BRD8: variants seen among roughly 807,000 people sequenced by gnomAD.
BRD8 encodes bromodomain-containing protein 8.
In BRD8, 67 loss-of-function variants were observed where a neutral mutation model predicts 143.1. The ratio of observed to expected loss-of-function variants is 0.47; its 90% confidence interval spans 0.38 to 0.57. BRD8 has a LOEUF of 0.57. Ranked by LOEUF, BRD8 falls within the 20% of genes least tolerant of loss-of-function variation. BRD8 has a pLI of 0.00. For missense variants in BRD8, 1,103 were observed against 1,503.0 expected (o/e 0.73, Z 4.40); for synonymous variants, 505 against 517.1 (o/e 0.98, Z 0.32).
chr5:138,155,410 T>C (rs61701591), intron 20 of BRD8, among the ~76,000 whole-genome samples: 11 of 148,190 alleles, frequency 7.4e-5, no homozygotes, highest in African/African-American at 2.5e-4. Context: ...GATTGCGCCA[T>C]TGCACTCCAG....
chr5:138,172,000 C>A, intron 3 of BRD8, 65 bp downstream of exon 3: 1 of 1,202,972 alleles, frequency 8.3e-7, no homozygotes, highest in Non-Finnish European at 1.2e-6. Flanking sequence ...AAAGTCAGGG[C>A]CTGGTAGAGA....
At chr5:138,140,568 G>T (rs1194307314) in intron 26 of BRD8, 137 bp downstream of exon 26, 4 of 1,005,468 alleles carry the variant, frequency 4.0e-6, no homozygotes, top group Non-Finnish European at 6.1e-6. Flanking sequence ...AAACCAGCAG[G>T]CACATTATCA....
At chr5:138,169,884 G>A (rs1291604677) in intron 7 of BRD8, among the ~76,000 whole-genome samples, 3 of 152,198 alleles carry the variant, frequency 2.0e-5, no homozygotes, top group Non-Finnish European at 4.4e-5. Flanking sequence ...ACTTGAACCC[G>A]CGAGGCGGAG....
chr5:138,163,924 T>C (rs996886451), intron 14 of BRD8, among the ~76,000 whole-genome samples, 163 bp downstream of exon 14: 3 of 152,234 alleles, frequency 2.0e-5, no homozygotes, highest in South Asian at 2.1e-4. Flanking sequence ...CCTGTTGCTA[T>C]AGTACTCCCA....
chr5:138,169,180 G>A (rs1304979026), intron 8 of BRD8, 42 bp downstream of exon 8: 10 of 1,599,384 alleles, frequency 6.3e-6, no homozygotes, highest in Non-Finnish European at 8.5e-6. Context: ...CCGGCTTATT[G>A]CCCCTTCACT....
At chr5:138,144,912 A>T (rs1320337288) in intron 25 of BRD8, among the ~76,000 whole-genome samples, 26 of 143,604 alleles carry the variant, frequency 1.8e-4, no homozygotes, top group African/African-American at 6.4e-4. Context: ...AAAAAAAAAA[A>T]AAAAAAATAT....
intron 2 of BRD8, among the ~76,000 whole-genome samples, chr5:138,173,600 CTT>C (rs1754067643): frequency 1.3e-5 from 2 of 152,258 alleles, no homozygotes; most frequent in Admixed American, 1.3e-4. Context: ...CAGTATCTCA[CTT>C]TGTCACCCAG....
Position 138,169,347 on chromosome 5 carries a change from C to T in BRD8, c.517G>A (p.Val173Ile). Residue 173 changes from valine to isoleucine, a missense_variant, in exon 8 of 27, where the codon GTA (valine) becomes ATA (isoleucine). Around this residue, in one of 7 missense-constraint regions of BRD8, gnomAD observed 334 missense variants for 372.5 expected, o/e 0.90. Coordinates refer to ENST00000254900, the MANE Select transcript of BRD8 (RefSeq NM_139199.2). The stretch of plus-strand genomic sequence containing the variant: ...GGTAACCTCCGGGGGGGTGTTTTTA[C>T]TGCTTGACGAGCTAGAACATAAAAG... ...TDAAYQARQA[V>I]KTPPRRLPTV... The T allele has an allele frequency of 6.2e-7, 1 of 1,613,716 alleles. No individual in the cohort carries two copies. Among genetic ancestry groups the T allele is most frequent in the Non-Finnish European group, 8.5e-7 (1 of 1,179,876 alleles).
intron 23 of BRD8, 45 bp from the exon 24 acceptor site, chr5:138,145,923 T>C: frequency 6.7e-7 from 1 of 1,502,872 alleles, no homozygotes; most frequent in Middle Eastern, 1.8e-4. Flanking sequence ...ACTTCACAAA[T>C]AATATTCTAT....
rs994467543 is a variant in BRD8 at position 138,169,418 on chromosome 5, C to T, written c.506-60G>A. 187 of 1,565,012 alleles carry T rather than the reference C, an allele frequency of 1.2e-4. No homozygotes were observed. In the African/African-American group the frequency reaches 2.4e-3, roughly 20 times the overall value. ...AAGATTAAATAAATGAAACTTGACA[C>T]TAGTCTGCTATTATACAATAAAGGA... On this transcript the variant is annotated intron_variant, in intron 7 of 26. Transcript: ENST00000254900.
At chr5:138,155,680 GCCA>G (rs1406613301) in intron 20 of BRD8, among the ~76,000 whole-genome samples, 2 of 150,220 alleles carry the variant, frequency 1.3e-5, no homozygotes, top group South Asian at 2.1e-4. Flanking sequence ...ACAGGTGCGT[GCCA>G]CCACACCTGG....
In BRD8 at chr5:138,178,610, G is replaced by A; in HGVS notation, c.5C>T (p.Ala2Val). Reference protein sequence around the residue: MATGTGKHKLLS... With the variant: MVTGTGKHKLLS... ...CAGATACTCACTGCCCGTTCCCGTC[G>A]CCATCTTGGCCCCGAAGTCTCCAAC... The change falls in exon 1 of 27, where the codon GCG becomes GTG. Residue 2 changes from alanine (A) to valine (V), a missense_variant. By Grantham distance (64) the Ala-to-Val change is moderately conservative (BLOSUM62 0). Around this residue, in one of 7 missense-constraint regions of BRD8, gnomAD observed 69 missense variants for 121.6 expected, o/e 0.57. Transcript: ENST00000254900. 1.2e-6 allele frequency: 2 copies of A among 1,613,626 alleles called. No homozygotes were observed. Among genetic ancestry groups the A allele is most frequent in the Non-Finnish European group, 8.5e-7 (1 of 1,179,664 alleles).
chr5:138,152,777 A>T lies in BRD8; in HGVS notation c.2578-17T>A. 1 of 1,600,268 alleles carries T rather than the reference A, an allele frequency of 6.2e-7. No homozygotes were observed. The highest frequency in any genetic ancestry group is 1.1e-5 in the South Asian group (1 of 89,884). ...GTGTCCCATCTGTAAATACACAGGA[A>T]AACATGCATTAAATTCATTCAAATA... is the stretch of plus-strand genomic sequence containing the variant. On this transcript the variant is annotated splice_polypyrimidine_tract_variant and intron_variant, in intron 20 of 26. Coordinates refer to ENST00000254900, the MANE Select transcript of BRD8 (RefSeq NM_139199.2).
Position 138,140,973 on chromosome 5 carries a change from C to T in BRD8, c.3438-91G>A, listed in dbSNP as rs1751880980. The T allele has an allele frequency of 2.2e-6, 3 of 1,346,970 alleles. No homozygotes were observed. In the African/African-American group the frequency reaches 4.4e-5, roughly 20 times the overall value. The allele number at this position is 1,346,970 out of a possible 1,614,324, so 83.4% of individuals were successfully genotyped here. A position where few individuals can be genotyped will look rare whatever the true frequency, so the allele number is the denominator to read the frequency against. On this transcript the variant is annotated intron_variant, in intron 25 of 26. Coordinates refer to ENST00000254900, the MANE Select transcript of BRD8 (RefSeq NM_139199.2). Reference sequence around the variant, plus strand: ...CGTTCTCTTGAAGAACTAACCAGTTCTTAATGAAAACAGTAGCAAAGATAA... The same window carrying T: ...CGTTCTCTTGAAGAACTAACCAGTTTTTAATGAAAACAGTAGCAAAGATAA...
intron 2 of BRD8, among the ~76,000 whole-genome samples, chr5:138,176,229 C>A (rs541501834): frequency 0.021 from 3,132 of 150,456 alleles, 73 homozygotes; most frequent in African/African-American, 0.063. Context: ...TTAAAAAAAA[C>A]AAAAAAAAGT....
At chr5:138,152,016 G>A (rs1015918072) in intron 21 of BRD8, among the ~76,000 whole-genome samples, 41 of 152,196 alleles carry the variant, frequency 2.7e-4, no homozygotes, top group Middle Eastern at 3.4e-3. Context: ...CACCACGCCC[G>A]GCTAATTTTT....
Position 138,150,820 on chromosome 5 carries a change from T to G in BRD8, c.3045A>C (p.Glu1015Asp). 1 of 1,614,250 alleles carries G rather than the reference T, an allele frequency of 6.2e-7. No homozygotes were observed. Among genetic ancestry groups the G allele is most frequent in the Non-Finnish European group, 8.5e-7 (1 of 1,180,038 alleles). Residue 1015 changes from glutamate to aspartate, a missense_variant, in exon 22 of 27, where the codon GAA (glutamate) becomes GAC (aspartate). Physicochemically the swap from Glu to Asp is conservative, Grantham distance 45 (BLOSUM62 2). Around this residue, in one of 7 missense-constraint regions of BRD8, gnomAD observed 369 missense variants for 445.5 expected, o/e 0.83. Coordinates refer to ENST00000254900, the MANE Select transcript of BRD8 (RefSeq NM_139199.2). The stretch of plus-strand genomic sequence containing the variant: ...CTGAAGCCACCTCTGGCTTTCCATT[T>G]TCTCCCAGTGGCTTTTCAGCTACTA... ...DPLVAEKPLG[E>D]NGKPEVASAP...
intron 21 of BRD8, among the ~76,000 whole-genome samples, 196 bp downstream of exon 21, chr5:138,152,286 G>A (rs1259241770): frequency 2.6e-5 from 4 of 152,186 alleles, no homozygotes; most frequent in South Asian, 2.1e-4. Context: ...CACTGCACCC[G>A]GCCCAAAAAG....
Position 138,142,357 on chromosome 5 carries a change from T to C in BRD8, c.3438-1475A>G, listed in dbSNP as rs368886366. Among the ~76,000 whole-genome samples the C allele has an allele frequency of 1.2e-4, 18 of 152,260 alleles. No individual in the cohort carries two copies. The South Asian group carries it at 3.7e-3, about 32-fold the overall frequency. ...TATTATTTATAAATTATCCAGCCTGTGGTATTGTGCTATAGCAGCACAGAC... is the reference window on the plus strand; with the variant it reads ...TATTATTTATAAATTATCCAGCCTGCGGTATTGTGCTATAGCAGCACAGAC... On this transcript the variant is annotated intron_variant, in intron 25 of 26. Transcript: ENST00000254900.
Sources: allele counts gnomAD v4.1 joint callset (sites outside exome capture counted in the v4.1 genomes callset), GRCh38; gene constraint gnomAD v4.1.1; regional missense constraint gnomAD v4.1.1; transcripts MANE v1.5; gene names NCBI Gene and HGNC (gene_info 2026-07-23, HGNC 2026-07-21).